PVT1: variants seen among roughly 807,000 people sequenced by gnomAD.
PVT1 encodes the protein Pvt1 oncogene, also known as CXCR4/PVT1 fusion.
intron 4 of PVT1, among the ~76,000 whole-genome samples, chr8:128,069,785 G>A (rs1813959769): frequency 6.6e-6 from 1 of 152,166 alleles, no homozygotes; most frequent in Non-Finnish European, 1.5e-5. Context: ...TAAGGATCAA[G>A]GCAGCATTCA....
chr8:128,040,746 T>G (rs1813520399), intron 4 of PVT1, among the ~76,000 whole-genome samples: 1 of 151,908 alleles, frequency 6.6e-6, no homozygotes, highest in Non-Finnish European at 1.5e-5. Context: ...GTGTGAGTGC[T>G]TGTGTGTGTG....
intron 4 of PVT1, among the ~76,000 whole-genome samples, chr8:128,060,997 C>T (rs1289356840): frequency 3.3e-5 from 5 of 151,786 alleles, no homozygotes; most frequent in Non-Finnish European, 7.4e-5. Context: ...GCAACCTCCA[C>T]CTCCCAGGTT....
intron 2 of PVT1, among the ~76,000 whole-genome samples, chr8:127,873,750 C>T (rs1815376661): frequency 6.6e-6 from 1 of 152,174 alleles, no homozygotes; most frequent in East Asian, 1.9e-4. Flanking sequence ...GAGGCCTTTG[C>T]CCCACAGAAT....
chr8:128,065,368 C>A (rs1025224478), intron 4 of PVT1, among the ~76,000 whole-genome samples: 3 of 151,974 alleles, frequency 2.0e-5, no homozygotes, highest in Non-Finnish European at 4.4e-5. Context: ...ATTTTTGTAT[C>A]ATTGACAGGG....
intron 3 of PVT1, among the ~76,000 whole-genome samples, chr8:127,925,513 T>C (rs1224622678): frequency 4.6e-5 from 7 of 152,234 alleles, no homozygotes; most frequent in African/African-American, 1.7e-4. Flanking sequence ...CAGCTTTTAT[T>C]CAGCACTTAC....
At chr8:128,021,567 A>G (rs183352061) in intron 4 of PVT1, among the ~76,000 whole-genome samples, 2 of 152,182 alleles carry the variant, frequency 1.3e-5, no homozygotes, top group East Asian at 3.9e-4. Flanking sequence ...TGCTGGGATT[A>G]CAGGCGTGAG....
At chr8:127,941,478 G>A (rs1470076375) in intron 3 of PVT1, among the ~76,000 whole-genome samples, 1 of 152,160 alleles carries the variant, frequency 6.6e-6, no homozygotes, top group Non-Finnish European at 1.5e-5. Flanking sequence ...ATGGAGACAC[G>A]TAAAGCGCTT....
intron 3 of PVT1, among the ~76,000 whole-genome samples, chr8:127,949,865 G>T (rs1816484416): frequency 6.6e-6 from 1 of 152,208 alleles, no homozygotes; most frequent in Admixed American, 6.5e-5. Flanking sequence ...CTGAATGGGG[G>T]CCAGGCCAGG....
chr8:127,896,320 T>G (rs1013601726), intron 3 of PVT1, among the ~76,000 whole-genome samples: 14 of 152,072 alleles, frequency 9.2e-5, no homozygotes, highest in African/African-American at 3.4e-4. Context: ...TAGAACAGTA[T>G]TGGACACACT....
chr8:128,087,784 G>C (rs1254545602), intron 5 of PVT1, among the ~76,000 whole-genome samples: 1 of 114,074 alleles, frequency 8.8e-6, no homozygotes, highest in Non-Finnish European at 1.6e-5. Context: ...ATGGAGTCTC[G>C]TTCTGTCTCC....
chr8:128,083,382 G>A (rs1209852966), intron 5 of PVT1, among the ~76,000 whole-genome samples: 1 of 152,212 alleles, frequency 6.6e-6, no homozygotes, highest in Non-Finnish European at 1.5e-5. Flanking sequence ...TGGGCCACTT[G>A]TGGTATTTAA....
At chr8:128,086,730 A>C (rs1814262368) in intron 5 of PVT1, among the ~76,000 whole-genome samples, 1 of 152,208 alleles carries the variant, frequency 6.6e-6, no homozygotes, top group African/African-American at 2.4e-5. Context: ...AAAAACCAAA[A>C]CATCCTTCAA....
chr8:127,973,346 GC>G (rs1163912906), intron 3 of PVT1, among the ~76,000 whole-genome samples: 3 of 152,134 alleles, frequency 2.0e-5, no homozygotes, highest in African/African-American at 7.2e-5. Context: ...CGCGACTACT[GC>G]CAGGAGCTAC....
At chr8:127,812,413 A>AT (rs967273921) in intron 2 of PVT1, among the ~76,000 whole-genome samples, 13 of 151,432 alleles carry the variant, frequency 8.6e-5, no homozygotes, top group Non-Finnish European at 1.3e-4. Flanking sequence ...TACAAAACAA[A>AT]TTTTTTTTTA....
intron 4 of PVT1, among the ~76,000 whole-genome samples, chr8:128,036,823 T>C (rs1348070098): frequency 1.3e-5 from 2 of 152,164 alleles, no homozygotes; most frequent in Non-Finnish European, 2.9e-5. Flanking sequence ...TCAAAGCAGC[T>C]CCTGGAGGAC....
At chr8:127,798,514 C>T (rs1439784219) in intron 2 of PVT1, among the ~76,000 whole-genome samples, 1 of 151,826 alleles carries the variant, frequency 6.6e-6, no homozygotes, top group Non-Finnish European at 1.5e-5. Flanking sequence ...GGCTGCCATG[C>T]TGGAAAGTTT....
chr8:127,968,461 G>A (rs1370770165), intron 3 of PVT1, among the ~76,000 whole-genome samples: 1 of 152,102 alleles, frequency 6.6e-6, no homozygotes, highest in South Asian at 2.1e-4. Context: ...GATGCAGAAC[G>A]TAAGTGCTCT....
At chr8:128,083,864 C>T (rs1025952716) in intron 5 of PVT1, among the ~76,000 whole-genome samples, 2 of 152,136 alleles carry the variant, frequency 1.3e-5, no homozygotes, top group African/African-American at 4.8e-5. Flanking sequence ...CTGTCGGGGT[C>T]CCACTCTAAT....
intron 3 of PVT1, among the ~76,000 whole-genome samples, chr8:127,913,533 G>A (rs983752987): frequency 2.0e-5 from 3 of 152,122 alleles, no homozygotes; most frequent in South Asian, 2.1e-4. Flanking sequence ...TCTGTTGGGC[G>A]CTGCTGCTTG....
Sources: gnomAD v4.1 joint callset for allele counts (sites outside exome capture counted in the v4.1 genomes callset) on GRCh38, gnomAD v4.1.1 for gene constraint, MANE v1.5 for transcripts, NCBI Gene and HGNC (gene_info 2026-07-23, HGNC 2026-07-21) for gene names.